AUTS2: variants seen among roughly 807,000 people sequenced by gnomAD.
AUTS2 encodes activator of transcription and developmental regulator AUTS2.
Under a neutral mutation model 112.4 loss-of-function variants are expected in AUTS2, and 17 were observed. The ratio of observed to expected loss-of-function variants is 0.15; its 90% CI spans 0.10 to 0.23. AUTS2 has a LOEUF of 0.23. Among genes scored for constraint, AUTS2 ranks in the 10% least tolerant of loss-of-function variants. AUTS2 has a pLI of 1.00. For synonymous variants in AUTS2, 751 were observed against 702.7 expected, an observed-to-expected ratio of 1.07 and a Z score of -1.09; for missense variants, 1,510 against 1,701.6, an observed-to-expected ratio of 0.89 and a Z score of 1.98.
chr7:70,009,903 A>G (rs1293122559), intron 2 of AUTS2, among the ~76,000 whole-genome samples: 2 of 152,136 alleles, frequency 1.3e-5, no homozygotes, highest in Non-Finnish European at 1.5e-5. Context: ...AAGAATTTGC[A>G]TATCTACCTT....
rs545554417 is a variant in AUTS2 at position 70,439,470 on chromosome 7, C to T, written c.690+3689C>T. On this transcript the variant is annotated intron_variant, in intron 5 of 18. Transcript: ENST00000342771. Reference sequence around the variant, plus strand: ...AGGGGAATTGCTTGAACCCGGGAGGCGGAAGTTGCAGTGAGCCGAGATCGC... The same window carrying T: ...AGGGGAATTGCTTGAACCCGGGAGGTGGAAGTTGCAGTGAGCCGAGATCGC... Among the ~76,000 whole-genome samples, 4 of 141,520 alleles carry T rather than the reference C, an allele frequency of 2.8e-5. No individual in the cohort carries two copies. The East Asian group carries it at 8.8e-4, about 31-fold the overall frequency. The allele number at this position is 141,520 out of a possible 152,430, so 92.8% of individuals were successfully genotyped here. A position where few individuals can be genotyped will look rare whatever the true frequency, so the allele number is the denominator to read the frequency against.
At chr7:70,387,043 A>G (rs956441708) in intron 4 of AUTS2, among the ~76,000 whole-genome samples, 8 of 151,648 alleles carry the variant, frequency 5.3e-5, no homozygotes, top group African/African-American at 1.7e-4. Flanking sequence ...CTGCATCTTC[A>G]TTTTCTTTCT....
intron 5 of AUTS2, among the ~76,000 whole-genome samples, chr7:70,504,761 T>C (rs1022415425): frequency 1.3e-5 from 2 of 152,188 alleles, no homozygotes; most frequent in Non-Finnish European, 2.9e-5. Flanking sequence ...TCTTTTTCTG[T>C]TTTTATATTT....
intron 5 of AUTS2, among the ~76,000 whole-genome samples, chr7:70,522,051 G>A (rs540481247): frequency 1.3e-5 from 2 of 152,268 alleles, no homozygotes; most frequent in South Asian, 2.1e-4. Flanking sequence ...ATGATTATTA[G>A]CATTATTATT....
intron 1 of AUTS2, among the ~76,000 whole-genome samples, chr7:69,857,678 A>G (rs1394013399): frequency 6.6e-6 from 1 of 152,094 alleles, no homozygotes; most frequent in Non-Finnish European, 1.5e-5. Context: ...TTAAATTCGT[A>G]CTTTTGGACT....
At chr7:70,708,279 C>T (rs996417330) in intron 6 of AUTS2, among the ~76,000 whole-genome samples, 1 of 152,214 alleles carries the variant, frequency 6.6e-6, no homozygotes, top group African/African-American at 2.4e-5. Context: ...CGCAGGACCT[C>T]TTGGGCTTCT....
chr7:70,373,700 T>C (rs1792950766), intron 4 of AUTS2, among the ~76,000 whole-genome samples: 1 of 152,200 alleles, frequency 6.6e-6, no homozygotes, highest in South Asian at 2.1e-4. Flanking sequence ...TGCTAAAATA[T>C]ACTTTTTTTC....
In AUTS2 at chr7:70,569,189, G is replaced by A. The variant is rs187155845; in HGVS notation, c.691-129380G>A. On this transcript the variant is annotated intron_variant, in intron 5 of 18. Transcript: ENST00000342771. ...TCACTCTCTGTGTTTCAGCACTGGC[G>A]GTCCCCATGGACTGTCAGAAACAGG... 1.1e-4 allele frequency among the ~76,000 whole-genome samples: 16 copies of A among 152,226 alleles called. 1 individual carries two copies. Among genetic ancestry groups the A allele is most frequent in the Admixed American group, 9.2e-4 (14 of 15,296 alleles).
chr7:70,389,651 T>C (rs572253611), intron 4 of AUTS2, among the ~76,000 whole-genome samples: 1 of 152,338 alleles, frequency 6.6e-6, no homozygotes, highest in Admixed American at 6.5e-5. Flanking sequence ...AGAAACATTT[T>C]ATGTGCCATG....
intron 1 of AUTS2, among the ~76,000 whole-genome samples, chr7:69,676,732 C>T (rs189427810): frequency 2.2e-4 from 34 of 152,126 alleles, no homozygotes; most frequent in Admixed American, 2.0e-3. Flanking sequence ...TCTTACTTCT[C>T]TTTTTAGTTA....
chr7:69,759,536 C>T (rs560523587), intron 1 of AUTS2, among the ~76,000 whole-genome samples: 18 of 152,014 alleles, frequency 1.2e-4, no homozygotes, highest in African/African-American at 3.9e-4. Flanking sequence ...GGTTGTGCAA[C>T]CTGTACTTCA....
intron 4 of AUTS2, among the ~76,000 whole-genome samples, chr7:70,431,263 G>A (rs1795656151): frequency 6.6e-6 from 1 of 152,202 alleles, no homozygotes; most frequent in Non-Finnish European, 1.5e-5. Context: ...TTCTTAAAAT[G>A]TATGTTTAAA....
intron 5 of AUTS2, among the ~76,000 whole-genome samples, chr7:70,622,784 C>T (rs987857836): frequency 7.9e-5 from 12 of 152,310 alleles, no homozygotes; most frequent in African/African-American, 2.9e-4. Flanking sequence ...CGTCTTTCAT[C>T]GGCCTTTTTC....
intron 1 of AUTS2, among the ~76,000 whole-genome samples, chr7:69,741,342 T>A (rs1386284283): frequency 1.3e-5 from 2 of 152,122 alleles, no homozygotes; most frequent in African/African-American, 2.4e-5. Context: ...CCCGATTTGG[T>A]TTTAAAGATT....
chr7:69,961,425 T>TA (rs1222041560), intron 2 of AUTS2, among the ~76,000 whole-genome samples: 1 of 152,192 alleles, frequency 6.6e-6, no homozygotes, highest in African/African-American at 2.4e-5. Context: ...TTTTATATTT[T>TA]AAAATGGATC....
At chr7:70,066,399 CAA>C (rs1403023850) in intron 2 of AUTS2, among the ~76,000 whole-genome samples, 1 of 151,864 alleles carries the variant, frequency 6.6e-6, no homozygotes, top group African/African-American at 2.4e-5. Flanking sequence ...CAAGGGAAGA[CAA>C]ATATTTAAGT....
intron 2 of AUTS2, among the ~76,000 whole-genome samples, chr7:69,921,988 T>C (rs556378019): frequency 1.3e-3 from 200 of 151,796 alleles, no homozygotes; most frequent in Non-Finnish European, 1.6e-3. Flanking sequence ...CTCTTGAACC[T>C]GGGAGGCAGA....
chr7:70,289,688 G>C (rs141825646), intron 4 of AUTS2, among the ~76,000 whole-genome samples: 2 of 152,334 alleles, frequency 1.3e-5, no homozygotes, highest in East Asian at 3.9e-4. Flanking sequence ...ACCCAAGATA[G>C]TTGGAGTGTT....
chr7:69,855,790 G>A (rs1792694187), intron 1 of AUTS2, among the ~76,000 whole-genome samples: 1 of 152,160 alleles, frequency 6.6e-6, no homozygotes, highest in South Asian at 2.1e-4. Flanking sequence ...CAAACAAGGG[G>A]CTAAGAATTA....
Sources: allele counts gnomAD v4.1 joint callset (sites outside exome capture counted in the v4.1 genomes callset), GRCh38; gene constraint gnomAD v4.1.1; transcripts MANE v1.5; gene names NCBI Gene and HGNC (gene_info 2026-07-23, HGNC 2026-07-21).